The following KDM2B variants were observed in gnomAD, a reference collection of about 807,000 sequenced individuals.
KDM2B encodes the protein lysine-specific demethylase 2B.
Under a neutral mutation model 150.0 loss-of-function variants are expected in KDM2B, and 26 were observed. The ratio of observed to expected loss-of-function variants is 0.17; its 90% CI spans 0.13 to 0.24. KDM2B has a LOEUF of 0.24. Ranked by LOEUF, KDM2B falls within the 10% of genes least tolerant of loss-of-function variation. KDM2B has a pLI of 1.00. For synonymous variants in KDM2B, 734 were observed against 729.5 expected (o/e 1.01, Z -0.10); for missense variants, 1,265 against 1,816.9 (o/e 0.70, Z 5.52).
intron 17 of KDM2B, chr12:121,443,326 A>G (rs1406165666): frequency 6.4e-5 from 37 of 577,112 alleles, no homozygotes; most frequent in Non-Finnish European, 4.9e-5. Flanking sequence ...TCTGGGAGCC[A>G]GTTCTGGAGC....
At chr12:121,564,372 G>A (rs1470464835) in intron 4 of KDM2B, among the ~76,000 whole-genome samples, 2 of 151,942 alleles carry the variant, frequency 1.3e-5, no homozygotes, top group East Asian at 3.9e-4. Flanking sequence ...GCAGGAAAAT[G>A]GCGTGAACCC....
chr12:121,444,162 C>T lies in KDM2B; in HGVS notation c.2301G>A (p.Arg767=). ...NKEGQEPAKR[R]SECEEAPRRR... ...GCCGGGGCGCCTCCTCACACTCACT[C>T]CTCCGCTTGGCAGGTTCCTGCCCTT... is the stretch of plus-strand genomic sequence containing the variant. Residue 767 remains arginine, a synonymous_variant, in exon 16 of 23, where the codon AGG becomes AGA. Transcript: ENST00000377071. 1 of 1,612,616 alleles carries T rather than the reference C, an allele frequency of 6.2e-7. No homozygotes were observed. The highest frequency in any genetic ancestry group is 8.5e-7 in the Non-Finnish European group (1 of 1,180,036).
downstream of KDM2B, among the ~76,000 whole-genome samples, chr12:121,427,452 G>T (rs1486338992): frequency 2.0e-5 from 3 of 152,214 alleles, no homozygotes; most frequent in Non-Finnish European, 4.4e-5. Context: ...TGAGGCAGGA[G>T]AATTGCTTGA....
rs1875393196 is a variant in KDM2B at position 121,442,852 on chromosome 12, G to A, written c.2605-16C>T. 6.6e-7 allele frequency: 1 copy of A among 1,517,566 alleles called. No homozygotes were observed. 94.0% of individuals were successfully genotyped at this position (1,517,566 alleles called of 1,614,324 possible). On this transcript the variant is annotated splice_polypyrimidine_tract_variant and intron_variant, in intron 18 of 22. Coordinates refer to ENST00000377071, the MANE Select transcript of KDM2B (RefSeq NM_032590.5). The surrounding 1 kb of genome is among the most constrained non-coding windows in gnomAD (Gnocchi z 7.7). The stretch of plus-strand genomic sequence containing the variant: ...AGGACCGCCGCTGAGGGCGAGAGCG[G>A]AGACGCGTCAGCCTCTGGGGCTCAG...
chr12:121,579,902 G>A (rs561390050), intron 1 of KDM2B: 55 of 1,450,864 alleles, frequency 3.8e-5, no homozygotes, highest in South Asian at 6.5e-5. Flanking sequence ...CGGTCCTCTT[G>A]CAAAATACAG....
At chr12:121,577,231 A>G (rs1315016412) in intron 2 of KDM2B, among the ~76,000 whole-genome samples, 1 of 150,066 alleles carries the variant, frequency 6.7e-6, no homozygotes, top group Admixed American at 6.6e-5. Context: ...TAGGCACCCC[A>G]TCCCCCAGGG....
intron 12 of KDM2B, among the ~76,000 whole-genome samples, chr12:121,459,012 G>A (rs1878706411): frequency 6.6e-6 from 1 of 151,348 alleles, no homozygotes; most frequent in African/African-American, 2.4e-5. Context: ...CTTGAACCCG[G>A]GAGGCAGAGG....
rs149495767 is a variant in KDM2B at position 121,458,556 on chromosome 12, C to T, written c.1735-5212G>A. ...GTGACTCACGCCTATAATCCCAGCA[C>T]TTTGGGAGGCTGAGGCAGGTGGATC... On this transcript the variant is annotated intron_variant, in intron 12 of 22. Coordinates refer to ENST00000377071, the MANE Select transcript of KDM2B (RefSeq NM_032590.5). Among the ~76,000 whole-genome samples, 765 of 152,278 alleles carry T rather than the reference C, an allele frequency of 5.0e-3. 17 individuals carry two copies. The East Asian group carries it at 0.066, about 13-fold the overall frequency.
the KDM2B span, among the ~76,000 whole-genome samples, chr12:121,419,603 C>T: frequency 6.6e-6 from 1 of 151,986 alleles, no homozygotes; most frequent in Admixed American, 6.5e-5. Flanking sequence ...AATTGGGAAC[C>T]GACCTAGCTT....
chr12:121,510,730 C>T (rs1436543506), intron 10 of KDM2B, among the ~76,000 whole-genome samples: 1 of 151,744 alleles, frequency 6.6e-6, no homozygotes, highest in East Asian at 1.9e-4. Flanking sequence ...GAGGTGGAGG[C>T]TGCAGTAAGC....
At chr12:121,574,921 G>A (rs781374787) in intron 3 of KDM2B, among the ~76,000 whole-genome samples, 21 of 152,206 alleles carry the variant, frequency 1.4e-4, no homozygotes, top group Non-Finnish European at 2.9e-4. Flanking sequence ...ACATTCAAAT[G>A]CCTGCTTTCT....
intron 12 of KDM2B, among the ~76,000 whole-genome samples, chr12:121,479,156 G>C (rs1376317763): frequency 6.6e-6 from 1 of 151,816 alleles, no homozygotes; most frequent in African/African-American, 2.4e-5. Context: ...CTTTTTTTAA[G>C]AGATGGGGCT....
At chr12:121,505,667 C>G (rs1442790342) in intron 11 of KDM2B, among the ~76,000 whole-genome samples, 2 of 152,152 alleles carry the variant, frequency 1.3e-5, no homozygotes, top group Admixed American at 1.3e-4. Flanking sequence ...ACTAGTTACC[C>G]TGAGCCACCA....
At chr12:121,478,151 A>C (rs1881599123) in intron 12 of KDM2B, among the ~76,000 whole-genome samples, 3 of 152,012 alleles carry the variant, frequency 2.0e-5, no homozygotes, top group Non-Finnish European at 4.4e-5. Context: ...CTGGGATTAC[A>C]GGAATGAGCC....
intron 12 of KDM2B, among the ~76,000 whole-genome samples, chr12:121,455,618 T>C (rs1215557821): frequency 2.6e-5 from 4 of 152,222 alleles, no homozygotes; most frequent in Admixed American, 1.3e-4. Flanking sequence ...GGTGGGAGGA[T>C]TGCTTGAGCC....
At chr12:121,475,066 C>T (rs1392454969) in intron 12 of KDM2B, among the ~76,000 whole-genome samples, 1 of 152,152 alleles carries the variant, frequency 6.6e-6, no homozygotes, top group Non-Finnish European at 1.5e-5. Flanking sequence ...CTTTACCATA[C>T]AGCCCAGGTG....
intron 11 of KDM2B, among the ~76,000 whole-genome samples, 166 bp from the exon 12 acceptor site, chr12:121,494,831 C>T (rs1555300619): frequency 6.6e-6 from 1 of 152,134 alleles, no homozygotes; most frequent in East Asian, 1.9e-4. Flanking sequence ...TCACTAGGGT[C>T]CCCTGGGGCC....
Position 121,510,008 on chromosome 12 carries a change from G to T in KDM2B, c.1206C>A (p.Phe402Leu). Residue 402 changes from phenylalanine to leucine, a missense_variant, in exon 11 of 23, where the codon TTC becomes TTA. This residue lies in a region of KDM2B where 154 missense variants were observed against 162.5 expected (regional missense o/e 0.95). Coordinates refer to ENST00000377071, the MANE Select transcript of KDM2B (RefSeq NM_032590.5). ...CCATCTCCAGCCAGGAATCCGAAGA[G>T]AAGCCGTCTATGCTGGGCTTCCTCG... ...DAPRKPSIDG[F>L]SSDSWLEMEE... is the part of the protein sequence containing the mutation. 6.3e-7 allele frequency: 1 copy of T among 1,585,614 alleles called. No homozygotes were observed. The highest frequency in any genetic ancestry group is 8.6e-7 in the Non-Finnish European group (1 of 1,165,822).
Position 121,478,874 on chromosome 12 carries a change from G to T in KDM2B, c.1734+15705C>A, listed in dbSNP as rs11503161. Among the ~76,000 whole-genome samples the T allele has an allele frequency of 3.1e-4, 12 of 38,634 alleles. No homozygotes were observed. In the African/African-American group the frequency reaches 3.4e-3, roughly 11 times the overall value. 25.3% of individuals were successfully genotyped at this position (38,634 alleles called of 152,430 possible). ...GGCTAATTTTTGTTTGTTTGTGTGT[G>T]TGTGTGTGTGTGTGTGTGTGTTTTG... On this transcript the variant is annotated intron_variant, in intron 12 of 22. Coordinates refer to ENST00000377071, the MANE Select transcript of KDM2B (RefSeq NM_032590.5).
Sources: allele counts gnomAD v4.1 joint callset (sites outside exome capture counted in the v4.1 genomes callset), GRCh38; gene constraint gnomAD v4.1.1; regional missense constraint gnomAD v4.1.1; non-coding constraint Gnocchi (gnomAD v3.1); transcripts MANE v1.5; gene names NCBI Gene and HGNC (gene_info 2026-07-23, HGNC 2026-07-21).